HEMK2: variants seen among roughly 807,000 people sequenced by gnomAD.
The protein encoded by HEMK2 is methyltransferase HEMK2.
the HEMK2 span, among the ~76,000 whole-genome samples, chr21:28,748,330 T>A: frequency 6.6e-6 from 1 of 152,194 alleles, no homozygotes; most frequent in Non-Finnish European, 1.5e-5. Flanking sequence ...GAATATAAAT[T>A]AATAATGATA....
the HEMK2 span, among the ~76,000 whole-genome samples, chr21:28,596,494 A>AT: frequency 6.6e-6 from 1 of 152,206 alleles, no homozygotes; most frequent in Non-Finnish European, 1.5e-5. Context: ...TCTGACTATG[A>AT]TATGTATTGT....
chr21:28,831,446 AAAAGAAAGAAAAGAACG>A, the HEMK2 span, among the ~76,000 whole-genome samples: 1 of 86,372 alleles, frequency 1.2e-5, no homozygotes, highest in South Asian at 3.4e-4. Flanking sequence ...CTCTATCTCA[AAAAGAAAGAAAAGAACG>A]AAAGAAAGAA....
At chr21:28,699,818 C>T in the HEMK2 span, among the ~76,000 whole-genome samples, 1 of 152,198 alleles carries the variant, frequency 6.6e-6, no homozygotes, top group Non-Finnish European at 1.5e-5. Flanking sequence ...GATAGGGTTT[C>T]GTCATGCCCC....
the HEMK2 span, among the ~76,000 whole-genome samples, chr21:28,864,615 G>A: frequency 3.0e-4 from 45 of 152,108 alleles, no homozygotes; most frequent in South Asian, 1.7e-3. Context: ...ATTTGGACAC[G>A]TCCACTTAAA....
At chr21:28,709,353 A>G in the HEMK2 span, among the ~76,000 whole-genome samples, 1 of 152,222 alleles carries the variant, frequency 6.6e-6, no homozygotes, top group Admixed American at 6.5e-5. Context: ...TCCATTGTGG[A>G]ACCCAGGAGT....
the HEMK2 span, among the ~76,000 whole-genome samples, chr21:28,641,148 G>A: frequency 6.6e-6 from 1 of 151,886 alleles, no homozygotes; most frequent in African/African-American, 2.4e-5. Context: ...AAAAATCCTT[G>A]TTTCCTCACT....
At chr21:28,661,974 G>C in the HEMK2 span, among the ~76,000 whole-genome samples, 1 of 152,136 alleles carries the variant, frequency 6.6e-6, no homozygotes, top group Non-Finnish European at 1.5e-5. Flanking sequence ...TGAACAGAGA[G>C]AAAGTACCAT....
At chr21:28,805,420 G>T in the HEMK2 span, among the ~76,000 whole-genome samples, 1 of 152,118 alleles carries the variant, frequency 6.6e-6, no homozygotes, top group Non-Finnish European at 1.5e-5. Context: ...AAACTAATGA[G>T]AATCACATCC....
chr21:28,879,980 T>C, the HEMK2 span: 20 of 1,452,476 alleles, frequency 1.4e-5, no homozygotes, highest in Admixed American at 4.4e-5. Context: ...ACAGTAAGAA[T>C]TTTACATTAA....
chr21:28,836,684 A>T, the HEMK2 span, among the ~76,000 whole-genome samples: 1 of 152,206 alleles, frequency 6.6e-6, no homozygotes, highest in African/African-American at 2.4e-5. Flanking sequence ...AATGTAAATG[A>T]TGTAAATGCT....
the HEMK2 span, among the ~76,000 whole-genome samples, chr21:28,792,996 T>C: frequency 6.6e-6 from 1 of 152,194 alleles, no homozygotes; most frequent in Non-Finnish European, 1.5e-5. Context: ...GATTTATAAT[T>C]ACCACCTTAG....
chr21:28,880,775 TA>T, the HEMK2 span, among the ~76,000 whole-genome samples: 94 of 145,042 alleles, frequency 6.5e-4, no homozygotes, highest in Middle Eastern at 3.5e-3. Flanking sequence ...ATTTTTTAAA[TA>T]AAAAAAAAAA....
the HEMK2 span, among the ~76,000 whole-genome samples, chr21:28,869,801 T>C: frequency 6.6e-6 from 1 of 152,320 alleles, no homozygotes; most frequent in South Asian, 2.1e-4. Context: ...AGTGTGTCAC[T>C]AATAAAGAAC....
At chr21:28,642,689 A>C in the HEMK2 span, among the ~76,000 whole-genome samples, 1 of 152,190 alleles carries the variant, frequency 6.6e-6, no homozygotes, top group Non-Finnish European at 1.5e-5. Context: ...AGGGATGGGA[A>C]GGTGATCTTT....
chr21:28,751,871 G>T, the HEMK2 span, among the ~76,000 whole-genome samples: 1 of 152,008 alleles, frequency 6.6e-6, no homozygotes, highest in Non-Finnish European at 1.5e-5. Context: ...TAGAGATGGG[G>T]TTTCTCCATA....
the HEMK2 span, among the ~76,000 whole-genome samples, chr21:28,847,210 C>T: frequency 0.078 from 11,861 of 152,212 alleles, 1,095 homozygotes; most frequent in African/African-American, 0.21. Flanking sequence ...CCGCTTTCCA[C>T]GGTGGCTGAA....
At chr21:28,760,035 T>C in the HEMK2 span, among the ~76,000 whole-genome samples, 1 of 152,190 alleles carries the variant, frequency 6.6e-6, no homozygotes, top group Non-Finnish European at 1.5e-5. Context: ...GGATATTTTC[T>C]GGACTTCTTT....
At chr21:28,653,634 C>T in the HEMK2 span, among the ~76,000 whole-genome samples, 8 of 152,248 alleles carry the variant, frequency 5.3e-5, no homozygotes, top group South Asian at 2.1e-4. Context: ...TCTTAACATC[C>T]GACAAGTTTC....
At chr21:28,657,036 A>G in the HEMK2 span, among the ~76,000 whole-genome samples, 1 of 152,104 alleles carries the variant, frequency 6.6e-6, no homozygotes, top group Non-Finnish European at 1.5e-5. Context: ...GCATGGATAG[A>G]GTAACATTTC....
Sources: gnomAD v4.1 joint callset for allele counts (sites outside exome capture counted in the v4.1 genomes callset) on GRCh38, gnomAD v4.1.1 for gene constraint, MANE v1.5 for transcripts, NCBI Gene and HGNC (gene_info 2026-07-23, HGNC 2026-07-21) for gene names.